The following FGF18 variants were observed in gnomAD, a reference collection of about 807,000 sequenced individuals.
The protein encoded by FGF18 is fibroblast growth factor 18.
Under a neutral mutation model 23.0 loss-of-function variants are expected in FGF18, and 5 were observed. That is an observed-to-expected ratio of 0.22 (90% CI 0.11 to 0.46). The LOEUF is 0.46. FGF18 is among the 20% of genes least tolerant of loss of function. The probability of loss-of-function intolerance (pLI) is 0.99; values close to 1 mark genes in which losing one functional copy is unlikely to be tolerated. For synonymous variants in FGF18, 117 were observed against 118.9 expected (o/e 0.98, Z 0.10); for missense variants, 180 against 291.6 (o/e 0.62, Z 2.79).
rs543992803 is a variant in FGF18, at chr5:171,431,875, C to G, written c.70-4218C>G. ...GGAGTTCAAGACCAGCCTGGCCAAC[C>G]CTGTCTCTACCAAAAATACAAAAAT... On this transcript the variant is annotated intron_variant, in intron 2 of 4. Transcript: ENST00000274625. Among the ~76,000 whole-genome samples the G allele has an allele frequency of 5.3e-5, 8 of 152,100 alleles. No homozygotes were observed. The East Asian group carries it at 1.5e-3, about 29-fold the overall frequency.
Position 171,456,781 on chromosome 5 carries a change from G to A in FGF18, c.600G>A (p.Arg200=). 1 of 1,613,724 alleles carries A rather than the reference G, an allele frequency of 6.2e-7. No individual in the cohort carries two copies. The highest frequency in any genetic ancestry group is 8.5e-7 in the Non-Finnish European group (1 of 1,179,880). Residue 200 remains arginine, a synonymous_variant, in exon 5 of 5, where the codon CGG becomes CGA. Coordinates refer to ENST00000274625, the MANE Select transcript of FGF18 (RefSeq NM_003862.3). This position sits in a 1 kb window ranked among gnomAD's most constrained non-coding sequence, Gnocchi z 6.1. ...CGACGGTGACCAAGAGGTCCCGTCG[G>A]ATCCGGCCCACACACCCTGCCTAGG... ...KYTTVTKRSR[R]IRPTHPA
intron 3 of FGF18, among the ~76,000 whole-genome samples, chr5:171,437,235 A>G (rs4073716): frequency 0.53 from 81,301 of 152,056 alleles, 21,923 homozygotes; most frequent in African/African-American, 0.6. Context: ...CTGCCTGCCA[A>G]CCCTGCCCGT....
intron 2 of FGF18, among the ~76,000 whole-genome samples, chr5:171,429,808 C>T (rs944936265): frequency 1.8e-4 from 28 of 152,184 alleles, no homozygotes; most frequent in African/African-American, 6.3e-4. Context: ...GCAGAAAGCT[C>T]AAGGGCCCCA....
At position 171,427,925 on chromosome 5, in the gene FGF18, G is replaced by A. The variant is rs890317142; in HGVS notation, c.69+7482G>A. 1.1e-3 allele frequency among the ~76,000 whole-genome samples: 165 copies of A among 152,262 alleles called. 2 individuals are homozygous for A. The highest frequency in any genetic ancestry group is 2.8e-4 in the Non-Finnish European group (19 of 68,020). On this transcript the variant is annotated intron_variant, in intron 2 of 4. Transcript: ENST00000274625. ...TGGGCCCAGCACGCTTCAGTTGGCC[G>A]TGTGACCGAGTGATTGACTGGCCTC...
intron 2 of FGF18, among the ~76,000 whole-genome samples, chr5:171,427,541 T>A (rs569193563): frequency 6.6e-6 from 1 of 152,304 alleles, no homozygotes; most frequent in South Asian, 2.1e-4. Context: ...TCTCTGAGTC[T>A]CCACTTCCTC....
chr5:171,428,386 G>T (rs1203077780), intron 2 of FGF18, among the ~76,000 whole-genome samples: 1 of 152,332 alleles, frequency 6.6e-6, no homozygotes, highest in Non-Finnish European at 1.5e-5. Context: ...ATGTGCTGGG[G>T]AGCAAGAGCT....
chr5:171,434,928 G>T lies in FGF18; in HGVS notation c.70-1165G>T, dbSNP rs974537540. Among the ~76,000 whole-genome samples, 4 of 152,058 alleles carry T rather than the reference G, an allele frequency of 2.6e-5. No individual in the cohort carries two copies. Among genetic ancestry groups the T allele is most frequent in the African/African-American group, 9.7e-5 (4 of 41,396 alleles). ...GGGAGGGAGAGTGTCAGAGCTGGAGGTGGCTTCAGAAAGGGGTCCAGGAAG... is the reference window on the plus strand; with the variant it reads ...GGGAGGGAGAGTGTCAGAGCTGGAGTTGGCTTCAGAAAGGGGTCCAGGAAG... On this transcript the variant is annotated intron_variant, in intron 2 of 4. Coordinates refer to ENST00000274625, the MANE Select transcript of FGF18 (RefSeq NM_003862.3). The surrounding 1 kb of genome is among the most constrained non-coding windows in gnomAD (Gnocchi z 4.6).
At chr5:171,452,351 TCCTTGGG>T (rs1772529031) in intron 4 of FGF18, among the ~76,000 whole-genome samples, 1 of 152,228 alleles carries the variant, frequency 6.6e-6, no homozygotes, top group Non-Finnish European at 1.5e-5. Context: ...TGGGGCAGCT[TCCTTGGG>T]CCATCTGTGT....
Position 171,420,420 on chromosome 5 carries a change from C to T in FGF18, c.46C>T (p.Leu16=), listed in dbSNP as rs34986991. ...TGTTTCCCGCAGGTGTTTACACTTC[C>T]TGCTGCTGTGCTTCCAGGTACAGGT... The part of the protein sequence containing the change: ...SACTCLCLHF[L]LLCFQVQVLV... The change falls in exon 2 of 5, where the codon CTG becomes TTG. Residue 16 remains leucine (L), a synonymous_variant. Transcript: ENST00000274625. The T allele has an allele frequency of 1.2e-6, 2 of 1,613,776 alleles. No homozygotes were observed. The highest frequency in any genetic ancestry group is 1.1e-5 in the South Asian group (1 of 91,030).
chr5:171,445,929 C>T (rs1439956199), intron 3 of FGF18, among the ~76,000 whole-genome samples: 2 of 152,160 alleles, frequency 1.3e-5, no homozygotes, highest in African/African-American at 4.8e-5. Flanking sequence ...GGGCTTGGGT[C>T]ATGGGAGTGG....
chr5:171,434,325 C>CA lies in FGF18; in HGVS notation c.70-1767dup. 6.6e-6 allele frequency among the ~76,000 whole-genome samples: 1 copy of CA among 152,368 alleles called. No homozygotes were observed. Among genetic ancestry groups the CA allele is most frequent in the Non-Finnish European group, 1.5e-5 (1 of 68,030 alleles). ...AGGTTCAACAATGTGGTCCTGCTGA[C>CA]ATACCTGTGGGCCCAGTCCAGGATC... is the stretch of plus-strand genomic sequence containing the variant. On this transcript the variant is annotated intron_variant, in intron 2 of 4. Coordinates refer to ENST00000274625, the MANE Select transcript of FGF18 (RefSeq NM_003862.3). This position sits in a 1 kb window ranked among gnomAD's most constrained non-coding sequence, Gnocchi z 4.6.
At chr5:171,421,721 T>C (rs1426088307) in intron 2 of FGF18, among the ~76,000 whole-genome samples, 2 of 152,122 alleles carry the variant, frequency 1.3e-5, no homozygotes, top group Non-Finnish European at 2.9e-5. Flanking sequence ...GCTGGGGGCA[T>C]CCATTGGGGC....
chr5:171,431,712 C>T (rs1387175227), intron 2 of FGF18, among the ~76,000 whole-genome samples: 8 of 152,170 alleles, frequency 5.3e-5, no homozygotes, highest in Admixed American at 3.3e-4. Flanking sequence ...TGACAAAAGG[C>T]ACCTTGTTTC....
At chr5:171,448,909 G>A (rs1772454476) in intron 3 of FGF18, among the ~76,000 whole-genome samples, 1 of 152,050 alleles carries the variant, frequency 6.6e-6, no homozygotes, top group Non-Finnish European at 1.5e-5. Context: ...CTGGAGGAAA[G>A]GGAACAGGTG....
rs1366402923 is a variant in FGF18 at position 171,456,117 on chromosome 5, T to C, written c.358-422T>C. Among the ~76,000 whole-genome samples, 1 of 152,156 alleles carries C rather than the reference T, an allele frequency of 6.6e-6. No homozygotes were observed. Among genetic ancestry groups the C allele is most frequent in the Non-Finnish European group, 1.5e-5 (1 of 68,028 alleles). The stretch of plus-strand genomic sequence containing the variant: ...AGAGTCAGGCTCCTGAACCTTCTCT[T>C]ATGCCCATCTGTGCACTTCTTTGTA... On this transcript the variant is annotated intron_variant, in intron 4 of 4. Transcript: ENST00000274625. This position sits in a 1 kb window ranked among gnomAD's most constrained non-coding sequence, Gnocchi z 6.1.
rs1438188468 is a variant in FGF18 at position 171,419,693 on chromosome 5, T to G, written c.-507T>G. 1 of 151,334 alleles carries G rather than the reference T, an allele frequency of 6.6e-6. No homozygotes were observed. The highest frequency in any genetic ancestry group is 1.5e-5 in the Non-Finnish European group (1 of 67,820). The allele number at this position is 151,334 out of a possible 1,614,324, so 9.4% of individuals were successfully genotyped here. ...CCGGAGAGACGCGGAGGAGGAGACATGAGCCGGCGGGCGCCCAGACGGAGC... is the reference window on the plus strand; with the variant it reads ...CCGGAGAGACGCGGAGGAGGAGACAGGAGCCGGCGGGCGCCCAGACGGAGC... On this transcript the variant is annotated 5_prime_UTR_variant, in exon 1 of 5. It removes an upstream start codon present in the reference 5' UTR. Transcript: ENST00000274625.
Position 171,420,009 on chromosome 5 carries a change from G to A in FGF18, c.-191G>A, listed in dbSNP as rs1771976333. The A allele has an allele frequency of 4.1e-6, 1 of 243,206 alleles. No homozygotes were observed. Among genetic ancestry groups the A allele is most frequent in the African/African-American group, 2.3e-5 (1 of 43,270 alleles). 15.1% of individuals were successfully genotyped at this position (243,206 alleles called of 1,614,324 possible). A position where few individuals can be genotyped will look rare whatever the true frequency, so the allele number is the denominator to read the frequency against. On this transcript the variant is annotated 5_prime_UTR_variant, in exon 1 of 5. Transcript: ENST00000274625. ...GCAGCGCTCGGGAGGAGCCGCGCGG[G>A]GCGCTGATGCCGCAGGGCGCGCCGC... is the stretch of plus-strand genomic sequence containing the variant.
intron 2 of FGF18, among the ~76,000 whole-genome samples, chr5:171,427,804 G>A (rs552081373): frequency 1.3e-5 from 2 of 152,134 alleles, no homozygotes; most frequent in African/African-American, 2.4e-5. Flanking sequence ...TGTTTCCCCC[G>A]ATCCCCATCC....
chr5:171,437,845 G>C (rs1050224530), intron 3 of FGF18, among the ~76,000 whole-genome samples: 1 of 152,164 alleles, frequency 6.6e-6, no homozygotes, highest in Non-Finnish European at 1.5e-5. Context: ...GAGAGTACAG[G>C]GGGGTCAGAC....
Sources: allele counts gnomAD v4.1 joint callset (sites outside exome capture counted in the v4.1 genomes callset), GRCh38; gene constraint gnomAD v4.1.1; non-coding constraint Gnocchi (gnomAD v3.1); transcripts MANE v1.5; gene names NCBI Gene and HGNC (gene_info 2026-07-23, HGNC 2026-07-21).